RBFOX3: variants seen among roughly 807,000 people sequenced by gnomAD.
RBFOX3 encodes RNA binding protein fox-1 homolog 3.
Under a neutral mutation model 48.7 loss-of-function variants are expected in RBFOX3, and 17 were observed. That is an observed-to-expected ratio of 0.35 (90% CI 0.24 to 0.52). The LOEUF is 0.52. Among genes scored for constraint, RBFOX3 ranks in the 20% least tolerant of loss-of-function variants. The pLI, the probability that RBFOX3 is intolerant of heterozygous loss-of-function variation, is 0.94. For missense variants in RBFOX3, 382 were observed against 497.5 expected (o/e 0.77, Z 2.21); for synonymous variants, 212 against 209.5 (o/e 1.01, Z -0.10).
rs1370158017 is a variant in RBFOX3, at chr17:79,111,797, G to A, written c.222+3697C>T. ...AAGGGCCCACAGTACTGGCACCTGC[G>A]TGACCCCGAGTGAGTGAATACATGC... On this transcript the variant is annotated intron_variant, in intron 5 of 14. Transcript: ENST00000693108. The surrounding 1 kb of genome is among the most constrained non-coding windows in gnomAD (Gnocchi z 4.2). Among the ~76,000 whole-genome samples the A allele has an allele frequency of 1.3e-5, 2 of 152,210 alleles. No homozygotes were observed. Among genetic ancestry groups the A allele is most frequent in the Admixed American group, 1.3e-4 (2 of 15,286 alleles).
In RBFOX3 at chr17:79,480,601, G is replaced by A. The variant is rs373385814; in HGVS notation, c.-175+1853C>T. Among the ~76,000 whole-genome samples, 2 of 152,082 alleles carry A rather than the reference G, an allele frequency of 1.3e-5. No homozygotes were observed. Among genetic ancestry groups the A allele is most frequent in the South Asian group, 2.1e-4 (1 of 4,834 alleles). Reference sequence around the variant, plus strand: ...TCCACCTGCACAGCCCCCGGACCCCGTGATGCCAGCCCCTCCTGCTACTTC... The same window carrying A: ...TCCACCTGCACAGCCCCCGGACCCCATGATGCCAGCCCCTCCTGCTACTTC... On this transcript the variant is annotated intron_variant, in intron 2 of 14. Transcript: ENST00000693108. This position sits in a 1 kb window ranked among gnomAD's most constrained non-coding sequence, Gnocchi z 4.8.
At chr17:79,429,508 T>G (rs1183191765) in intron 2 of RBFOX3, among the ~76,000 whole-genome samples, 2 of 152,044 alleles carry the variant, frequency 1.3e-5, no homozygotes, top group Non-Finnish European at 2.9e-5. Flanking sequence ...GGCCAGGGTT[T>G]GTATATACAG....
chr17:79,585,613 G>A (rs1194014314), intron 1 of RBFOX3, among the ~76,000 whole-genome samples: 1 of 152,046 alleles, frequency 6.6e-6, no homozygotes, highest in African/African-American at 2.4e-5. Flanking sequence ...CCTGGGGGAG[G>A]TCTAGGAATA....
intron 4 of RBFOX3, among the ~76,000 whole-genome samples, chr17:79,180,006 C>T (rs1309907938): frequency 1.3e-5 from 2 of 152,224 alleles, no homozygotes; most frequent in African/African-American, 4.8e-5. Context: ...GTGAGTGTGG[C>T]CCAGGGTCAC....
At chr17:79,295,984 T>A (rs1281462688) in intron 3 of RBFOX3, among the ~76,000 whole-genome samples, 1 of 149,646 alleles carries the variant, frequency 6.7e-6, no homozygotes, top group Non-Finnish European at 1.5e-5. Context: ...GCAGTACTGA[T>A]GGCCACCTTC....
At chr17:79,648,093 TG>T in the RBFOX3 span, among the ~76,000 whole-genome samples, 5 of 152,120 alleles carry the variant, frequency 3.3e-5, no homozygotes, top group African/African-American at 9.7e-5. Context: ...AGAGCTGGTC[TG>T]GGGGTGCAGT....
rs1042513580 is a variant in RBFOX3, at chr17:79,280,843, G to GC, written c.-74+26880_-74+26881insG. Among the ~76,000 whole-genome samples the GC allele has an allele frequency of 4.4e-4, 49 of 111,054 alleles. 1 individual carries two copies. The highest frequency in any genetic ancestry group is 4.3e-3 in the South Asian group (14 of 3,294). The allele number at this position is 111,054 out of a possible 152,430, so 72.9% of individuals were successfully genotyped here. ...CTGCCAGGCAGGCTGTCCCATTGTG[G>GC]GGGGGGGGAGGGGAGGGTCTCCTGC... On this transcript the variant is annotated intron_variant, in intron 3 of 14. Transcript: ENST00000693108.
At chr17:79,489,380 C>T (rs2080154984) in intron 1 of RBFOX3, among the ~76,000 whole-genome samples, 2 of 152,126 alleles carry the variant, frequency 1.3e-5, no homozygotes, top group East Asian at 1.9e-4. Context: ...CTGCAGCCTC[C>T]ACCGCCCAGG....
chr17:79,445,976 A>G (rs1051784683), intron 2 of RBFOX3, among the ~76,000 whole-genome samples: 2 of 152,184 alleles, frequency 1.3e-5, no homozygotes, highest in Admixed American at 1.3e-4. Flanking sequence ...GCTGGGGGTG[A>G]TGCTGGCACA....
At chr17:79,138,327 G>A (rs1243628700) in intron 4 of RBFOX3, among the ~76,000 whole-genome samples, 3 of 152,088 alleles carry the variant, frequency 2.0e-5, no homozygotes, top group Non-Finnish European at 4.4e-5. Flanking sequence ...ACCCGAGCAC[G>A]CTCGTGTGTA....
At chr17:79,458,587 T>A (rs1482609307) in intron 2 of RBFOX3, among the ~76,000 whole-genome samples, 4 of 123,220 alleles carry the variant, frequency 3.2e-5, no homozygotes, top group African/African-American at 1.1e-4. Context: ...GGGTTGGGGT[T>A]TATTTAATTA....
At chr17:79,360,588 GT>G (rs1011470899) in intron 2 of RBFOX3, among the ~76,000 whole-genome samples, 1 of 152,190 alleles carries the variant, frequency 6.6e-6, no homozygotes, top group African/African-American at 2.4e-5. Flanking sequence ...ACCGCTGCCC[GT>G]GGAGGGATAC....
At chr17:79,506,786 C>T (rs1327054995) in intron 1 of RBFOX3, among the ~76,000 whole-genome samples, 2 of 152,156 alleles carry the variant, frequency 1.3e-5, no homozygotes, top group Non-Finnish European at 2.9e-5. Context: ...AGGATGGGGG[C>T]CGCAGAGGAG....
At chr17:79,315,153 G>A (rs926660936) in intron 2 of RBFOX3, among the ~76,000 whole-genome samples, 14 of 152,168 alleles carry the variant, frequency 9.2e-5, no homozygotes, top group South Asian at 2.1e-4. Context: ...GAATCTCACC[G>A]GCTGGTGGCC....
At position 79,555,962 on chromosome 17, in the gene RBFOX3, G is replaced by A. The variant is rs2091722736; in HGVS notation, c.-320+54864C>T. ...ATCCCAGAACTCCAACTACAACAAT[G>A]TCACCAAAACCCAATACCATACAGT... On this transcript the variant is annotated intron_variant, in intron 1 of 14. Coordinates refer to ENST00000693108, the MANE Select transcript of RBFOX3 (RefSeq NM_001350451.2). Among the ~76,000 whole-genome samples, 17 of 152,240 alleles carry A rather than the reference G, an allele frequency of 1.1e-4. No individual in the cohort carries two copies. The South Asian group carries it at 3.5e-3, about 32-fold the overall frequency.
chr17:79,140,084 A>G (rs957449973), intron 4 of RBFOX3, among the ~76,000 whole-genome samples: 1 of 152,190 alleles, frequency 6.6e-6, no homozygotes, highest in African/African-American at 2.4e-5. Flanking sequence ...GGGTTCTGGC[A>G]TCTCCATGGG....
chr17:79,414,903 G>A (rs1164043535), intron 2 of RBFOX3, among the ~76,000 whole-genome samples: 1 of 152,254 alleles, frequency 6.6e-6, no homozygotes, highest in African/African-American at 2.4e-5. Context: ...GAGGTGGCGG[G>A]AGCCAGGGCA....
At chr17:79,495,074 T>C (rs2081242039) in intron 1 of RBFOX3, among the ~76,000 whole-genome samples, 1 of 151,984 alleles carries the variant, frequency 6.6e-6, no homozygotes, top group Non-Finnish European at 1.5e-5. Context: ...CCATGCGTGC[T>C]TCCCCAGGTG....
chr17:79,191,352 A>C (rs2054483846), intron 4 of RBFOX3, among the ~76,000 whole-genome samples: 1 of 152,196 alleles, frequency 6.6e-6, no homozygotes, highest in Non-Finnish European at 1.5e-5. Flanking sequence ...TGGAAAAAGC[A>C]GCTGCCTGTA....
Sources: allele counts gnomAD v4.1 joint callset (sites outside exome capture counted in the v4.1 genomes callset), GRCh38; gene constraint gnomAD v4.1.1; non-coding constraint Gnocchi (gnomAD v3.1); transcripts MANE v1.5; gene names NCBI Gene and HGNC (gene_info 2026-07-23, HGNC 2026-07-21).